OR10H3: variants seen among roughly 807,000 people sequenced by gnomAD.
OR10H3 encodes the protein olfactory receptor 10H3.
In OR10H3, 15 loss-of-function variants were observed where a neutral mutation model predicts 11.1. The ratio of observed to expected loss-of-function variants is 1.36; its 90% confidence interval spans 0.91 to 2.09. The LOEUF is 2.09. Among genes scored for constraint, OR10H3 ranks in the 30% most tolerant of loss-of-function variants. OR10H3 has a pLI of 0.00. For missense variants in OR10H3, 403 were observed against 391.5 expected (o/e 1.03, Z -0.25); for synonymous variants, 149 against 142.1 (o/e 1.05, Z -0.35).
chr19:15,739,462 G>A (rs1433680801), intron 1 of OR10H3, among the ~76,000 whole-genome samples: 10 of 151,938 alleles, frequency 6.6e-5, no homozygotes, highest in Non-Finnish European at 8.8e-5. Context: ...AGGCTGAGGT[G>A]GGCGGATCAC....
intron 1 of OR10H3, among the ~76,000 whole-genome samples, chr19:15,740,871 C>A (rs2008689066): frequency 6.6e-6 from 1 of 152,120 alleles, no homozygotes; most frequent in South Asian, 2.1e-4. Context: ...TTTGAATTTT[C>A]TATTCAGATT....
chr19:15,738,238 C>T (rs1199277260), intron 1 of OR10H3, among the ~76,000 whole-genome samples, 187 bp downstream of exon 1: 1 of 151,874 alleles, frequency 6.6e-6, no homozygotes, highest in African/African-American at 2.4e-5. Flanking sequence ...GTATTTATGC[C>T]TTGATTGAAA....
At position 15,742,155 on chromosome 19, in the gene OR10H3, A is replaced by T; in HGVS notation, c.763A>T (p.Ser255Cys). 2 of 1,614,100 alleles carry T rather than the reference A, an allele frequency of 1.2e-6. No homozygotes were observed. The highest frequency in any genetic ancestry group is 1.3e-5 in the African/African-American group (1 of 75,012). ...SHLTVVVMHY[S>C]FASLIYLKPK... ...CCTCACTGTGGTGGTCATGCACTAT[A>T]GTTTTGCCTCCCTTATCTACCTCAA... The change falls in exon 2 of 2, where the codon AGT becomes TGT. Residue 255 changes from serine (S) to cysteine (C), a missense_variant. By Grantham distance (112) the Ser-to-Cys change is moderately radical (BLOSUM62 -1). Coordinates refer to ENST00000641646, the MANE Select transcript of OR10H3 (RefSeq NM_013938.2).
Position 15,738,012 on chromosome 19 carries a change from C to G in OR10H3, c.-51C>G, listed in dbSNP as rs2008659070. ...TTCTTTCCCTTACCTTATACCATCACTCACGAATTTCAGCTCCATGTTAAA... is the reference window on the plus strand; with the variant it reads ...TTCTTTCCCTTACCTTATACCATCAGTCACGAATTTCAGCTCCATGTTAAA... On this transcript the variant is annotated 5_prime_UTR_variant, in exon 1 of 2. Coordinates refer to ENST00000641646, the MANE Select transcript of OR10H3 (RefSeq NM_013938.2). 6.5e-6 allele frequency: 1 copy of G among 152,788 alleles called. No homozygotes were observed. The highest frequency in any genetic ancestry group is 1.5e-5 in the Non-Finnish European group (1 of 68,048). 9.5% of individuals were successfully genotyped at this position (152,788 alleles called of 1,614,324 possible). A position where few individuals can be genotyped will look rare whatever the true frequency, so the allele number is the denominator to read the frequency against.
At chr19:15,738,669 T>A (rs555160268) in intron 1 of OR10H3, among the ~76,000 whole-genome samples, 5 of 152,268 alleles carry the variant, frequency 3.3e-5, no homozygotes, top group African/African-American at 1.2e-4. Flanking sequence ...GATCTTTGAC[T>A]ACCGTTTCAA....
At chr19:15,741,185 T>G (rs996394187) in intron 1 of OR10H3, among the ~76,000 whole-genome samples, 197 bp from the exon 2 acceptor site, 1 of 152,252 alleles carries the variant, frequency 6.6e-6, no homozygotes, top group African/African-American at 2.4e-5. Context: ...ATCTAATATA[T>G]TGATCTCGTT....
In OR10H3 at chr19:15,742,283, G is replaced by T; in HGVS notation, c.891G>T (p.Lys297Asn). 1 of 1,612,978 alleles carries T rather than the reference G, an allele frequency of 6.2e-7. No homozygotes were observed. The highest frequency in any genetic ancestry group is 8.5e-7 in the Non-Finnish European group (1 of 1,180,014). Reference protein sequence around the residue: ...LSPIIFSLRNKELKNAINKNF... With the variant: ...LSPIIFSLRNNELKNAINKNF... ...CAATCATTTTCAGTCTAAGGAACAA[G>T]GAGCTGAAGAATGCCATAAATAAAA... The change falls in exon 2 of 2, where the codon AAG (lysine) becomes AAT (asparagine). Residue 297 changes from lysine to asparagine, a missense_variant. By Grantham distance (94) the Lys-to-Asn change is moderately conservative. Transcript: ENST00000641646.
chr19:15,739,264 G>A (rs192443925), intron 1 of OR10H3, among the ~76,000 whole-genome samples: 2 of 152,214 alleles, frequency 1.3e-5, no homozygotes, highest in East Asian at 3.9e-4. Context: ...TCGCTGAGTG[G>A]TTGAAAGAGT....
rs1190394055 is a variant in OR10H3 at position 15,741,501 on chromosome 19, C to T, written c.109C>T (p.Leu37=). The T allele has an allele frequency of 6.2e-7, 1 of 1,614,208 alleles. No individual in the cohort carries two copies. The highest frequency in any genetic ancestry group is 2.2e-5 in the East Asian group (1 of 44,882). ...GTTCCTGCTGTACCTCCTGATGTTC[C>T]TGTTCACATTGCTTGGCAACCTTCT... ...VLFLLYLLMF[L]FTLLGNLLIM... Residue 37 remains leucine, a synonymous_variant, in exon 2 of 2, where the codon CTG becomes TTG. Coordinates refer to ENST00000641646, the MANE Select transcript of OR10H3 (RefSeq NM_013938.2).
In OR10H3 at chr19:15,741,482, GCTGTACCTC is replaced by G; in HGVS notation, c.94_102del (p.Tyr32_Leu34del). The G allele has an allele frequency of 6.2e-7, 1 of 1,614,160 alleles. No individual in the cohort carries two copies. The highest frequency in any genetic ancestry group is 1.1e-5 in the South Asian group (1 of 91,086). On this transcript the variant is annotated inframe_deletion, in exon 2 of 2. Coordinates refer to ENST00000641646, the MANE Select transcript of OR10H3 (RefSeq NM_013938.2). ...AGCAGCTCCTGCCTGTCTTGTTCCT[GCTGTACCTC>G]CTGATGTTCCTGTTCACATTGCTTG... is the stretch of plus-strand genomic sequence containing the variant.
Position 15,741,521 on chromosome 19 carries a change from C to T in OR10H3, c.129C>T (p.Asn43=). The T allele has an allele frequency of 6.2e-7, 1 of 1,614,206 alleles. No homozygotes were observed. Among genetic ancestry groups the T allele is most frequent in the African/African-American group, 1.3e-5 (1 of 75,048 alleles). The change falls in exon 2 of 2, where the codon AAC becomes AAT. Residue 43 remains asparagine (N), a synonymous_variant. Transcript: ENST00000641646. ...TGTTCCTGTTCACATTGCTTGGCAA[C>T]CTTCTTATCATGGCCACAGTTTGGA... ...LLMFLFTLLG[N]LLIMATVWIE...
intron 1 of OR10H3, among the ~76,000 whole-genome samples, chr19:15,739,611 A>G (rs554097047): frequency 4.5e-4 from 69 of 152,260 alleles, no homozygotes; most frequent in Middle Eastern, 3.4e-3. Flanking sequence ...GAATCAGTTG[A>G]ACCTGGGAAG....
At chr19:15,738,175 GT>G (rs1255988153) in intron 1 of OR10H3, 124 bp downstream of exon 1, 2 of 146,898 alleles carry the variant, frequency 1.4e-5, no homozygotes, top group Admixed American at 6.8e-5. Flanking sequence ...CTTGGATTTT[GT>G]GTTGTGAAGT....
At chr19:15,740,655 C>T (rs1022269573) in intron 1 of OR10H3, among the ~76,000 whole-genome samples, 26 of 152,180 alleles carry the variant, frequency 1.7e-4, no homozygotes, top group Admixed American at 2.6e-4. Flanking sequence ...TTTCATTTTA[C>T]ACTGGTAGAA....
rs560833952 is a variant in OR10H3 at position 15,742,297 on chromosome 19, C to T, written c.905C>T (p.Ala302Val). 4 of 1,613,874 alleles carry T rather than the reference C, an allele frequency of 2.5e-6. No homozygotes were observed. Among genetic ancestry groups the T allele is most frequent in the South Asian group, 1.1e-5 (1 of 91,074 alleles). Residue 302 changes from alanine to valine, a missense_variant, in exon 2 of 2, where the codon GCC becomes GTC. By Grantham distance (64) the Ala-to-Val change is moderately conservative. Transcript: ENST00000641646. Reference protein sequence around the residue: ...FSLRNKELKNAINKNFCRRFC... With the variant: ...FSLRNKELKNVINKNFCRRFC... The stretch of plus-strand genomic sequence containing the variant: ...CTAAGGAACAAGGAGCTGAAGAATG[C>T]CATAAATAAAAACTTTTGCAGAAGG...
intron 1 of OR10H3, among the ~76,000 whole-genome samples, chr19:15,739,569 T>A (rs2144803584): frequency 6.6e-6 from 1 of 152,080 alleles, no homozygotes. Flanking sequence ...CACGCGCCTG[T>A]AATCCCAGCT....
chr19:15,741,332 G>C, intron 1 of OR10H3, 50 bp from the exon 2 acceptor site: 1 of 1,215,550 alleles, frequency 8.2e-7, no homozygotes, highest in Non-Finnish European at 1.2e-6. Flanking sequence ...GTCTGTGCTA[G>C]AGTCTAAGTT....
chr19:15,740,552 T>A lies in OR10H3; in HGVS notation c.-11-830T>A, dbSNP rs796245401. On this transcript the variant is annotated intron_variant, in intron 1 of 1. Coordinates refer to ENST00000641646, the MANE Select transcript of OR10H3 (RefSeq NM_013938.2). Reference sequence around the variant, plus strand: ...TTATATAATTTAGCTTGTTCCTCCATCTTCTGTACAATGATTATTGTTTTT... The same window carrying A: ...TTATATAATTTAGCTTGTTCCTCCAACTTCTGTACAATGATTATTGTTTTT... 4.6e-5 allele frequency among the ~76,000 whole-genome samples: 7 copies of A among 152,356 alleles called. 1 individual carries two copies. Among genetic ancestry groups the A allele is most frequent in the African/African-American group, 1.7e-4 (7 of 41,580 alleles).
At chr19:15,740,449 A>C (rs1447525377) in intron 1 of OR10H3, among the ~76,000 whole-genome samples, 6 of 152,136 alleles carry the variant, frequency 3.9e-5, no homozygotes, top group African/African-American at 1.4e-4. Context: ...TATCCTTTCA[A>C]TATACCTCTA....
Sources: allele counts gnomAD v4.1 joint callset (sites outside exome capture counted in the v4.1 genomes callset), GRCh38; gene constraint gnomAD v4.1.1; transcripts MANE v1.5; gene names NCBI Gene and HGNC (gene_info 2026-07-23, HGNC 2026-07-21).